CTNNA2: variants seen among roughly 807,000 people sequenced by gnomAD.
CTNNA2 encodes catenin alpha 2.
CTNNA2 carries 42 observed loss-of-function variants against 101.0 expected under a neutral mutation model. The observed-to-expected ratio is 0.42, with a 90% CI of 0.32 to 0.54. The LOEUF is 0.54. Ranked by LOEUF, CTNNA2 falls within the 20% of genes least tolerant of loss-of-function variation. CTNNA2 has a pLI of 0.14. For missense variants in CTNNA2, 871 were observed against 1,223.1 expected, an observed-to-expected ratio of 0.71 and a Z score of 4.29; for synonymous variants, 450 against 456.4, an observed-to-expected ratio of 0.99 and a Z score of 0.18.
chr2:79,572,051 G>C (rs1254419163), intron 1 of CTNNA2, among the ~76,000 whole-genome samples: 1 of 152,036 alleles, frequency 6.6e-6, no homozygotes, highest in Non-Finnish European at 1.5e-5. Flanking sequence ...GACAGTTTTT[G>C]TATTGTTTTA....
At chr2:80,567,255 C>G (rs1024003459) in intron 12 of CTNNA2, among the ~76,000 whole-genome samples, 2 of 152,032 alleles carry the variant, frequency 1.3e-5, no homozygotes, top group African/African-American at 4.8e-5. Context: ...ACTAAAATCA[C>G]TAATATAAAA....
At chr2:79,625,543 A>G (rs940692462) in intron 1 of CTNNA2, among the ~76,000 whole-genome samples, 3 of 152,182 alleles carry the variant, frequency 2.0e-5, no homozygotes, top group Admixed American at 2.0e-4. Context: ...ATGCAGATAA[A>G]ACATGGAAAT....
At chr2:80,292,687 T>C (rs545543204) in intron 7 of CTNNA2, among the ~76,000 whole-genome samples, 1 of 152,352 alleles carries the variant, frequency 6.6e-6, no homozygotes, top group East Asian at 1.9e-4. Context: ...CTCTTGAGAA[T>C]GCCTCACCTT....
chr2:79,225,088 G>A (rs984472672), intron 2 of CTNNA2, among the ~76,000 whole-genome samples: 6 of 151,864 alleles, frequency 4.0e-5, no homozygotes, highest in Admixed American at 2.6e-4. Context: ...ATAAGCATTC[G>A]GCCACAGGTC....
chr2:80,475,182 T>C (rs1347699323), intron 9 of CTNNA2, among the ~76,000 whole-genome samples: 1 of 152,212 alleles, frequency 6.6e-6, no homozygotes, highest in Admixed American at 6.5e-5. Flanking sequence ...GTGTTAATAA[T>C]AAGTACGTGT....
At chr2:79,876,301 A>T (rs561499927) in intron 6 of CTNNA2, among the ~76,000 whole-genome samples, 1 of 152,326 alleles carries the variant, frequency 6.6e-6, no homozygotes, top group African/African-American at 2.4e-5. Context: ...GGTCATACAC[A>T]CAGATATTAA....
chr2:80,020,993 CT>C (rs869061321), intron 7 of CTNNA2, among the ~76,000 whole-genome samples: 9,523 of 89,234 alleles, frequency 0.11, 188 homozygotes, highest in South Asian at 0.16. Flanking sequence ...GACCAATCAT[CT>C]TTTTTTTTTT....
chr2:80,583,525 T>A (rs2149722505), intron 14 of CTNNA2, among the ~76,000 whole-genome samples: 1 of 152,340 alleles, frequency 6.6e-6, no homozygotes, highest in Admixed American at 6.5e-5. Context: ...AGGGCAATTT[T>A]GAGTAATTCA....
chr2:79,776,347 G>A (rs1471929280), intron 3 of CTNNA2, among the ~76,000 whole-genome samples: 4 of 152,010 alleles, frequency 2.6e-5, no homozygotes, highest in Non-Finnish European at 5.9e-5. Context: ...TAGTGTCTGG[G>A]TACCACCAAA....
intron 6 of CTNNA2, among the ~76,000 whole-genome samples, chr2:79,874,652 T>TA (rs1347633843): frequency 6.6e-6 from 1 of 152,096 alleles, no homozygotes; most frequent in East Asian, 1.9e-4. Context: ...ACTAAAAATG[T>TA]AAAACATTAG....
At chr2:80,408,368 T>C (rs1489533949) in intron 8 of CTNNA2, among the ~76,000 whole-genome samples, 8 of 152,228 alleles carry the variant, frequency 5.3e-5, no homozygotes, top group African/African-American at 1.4e-4. Flanking sequence ...CTCGTCTCTA[T>C]ATCTTGCTTC....
At chr2:80,218,935 A>ACACATT (rs1344101550) in intron 7 of CTNNA2, among the ~76,000 whole-genome samples, 5 of 152,242 alleles carry the variant, frequency 3.3e-5, no homozygotes, top group Admixed American at 2.0e-4. Flanking sequence ...GGATGATTAC[A>ACACATT]CACATTAAAA....
chr2:79,885,921 C>T (rs1036945811), intron 6 of CTNNA2, among the ~76,000 whole-genome samples: 7 of 152,186 alleles, frequency 4.6e-5, no homozygotes, highest in African/African-American at 1.7e-4. Flanking sequence ...CTACTAAGCC[C>T]ATCTCTAGGC....
At chr2:79,739,789 A>G (rs1448202532) in intron 2 of CTNNA2, among the ~76,000 whole-genome samples, 3 of 152,228 alleles carry the variant, frequency 2.0e-5, no homozygotes, top group African/African-American at 7.2e-5. Context: ...CCACCTTTAG[A>G]TCAAAATGTG....
intron 7 of CTNNA2, among the ~76,000 whole-genome samples, chr2:80,339,301 T>C (rs1672023857): frequency 6.6e-6 from 1 of 152,146 alleles, no homozygotes; most frequent in Non-Finnish European, 1.5e-5. Context: ...TGATTTATAG[T>C]TTGAGTTGCA....
chr2:80,470,789 T>C (rs1685238218), intron 9 of CTNNA2, among the ~76,000 whole-genome samples: 1 of 152,140 alleles, frequency 6.6e-6, no homozygotes, highest in South Asian at 2.1e-4. Flanking sequence ...TTTCTGATTG[T>C]GATAAAATCA....
At chr2:80,368,892 G>A (rs572004935) in intron 7 of CTNNA2, among the ~76,000 whole-genome samples, 132 of 130,668 alleles carry the variant, frequency 1.0e-3, no homozygotes, top group African/African-American at 3.2e-3. Flanking sequence ...TATTTGGCAC[G>A]CTAGGCTAGT....
intron 7 of CTNNA2, among the ~76,000 whole-genome samples, chr2:79,978,105 C>T (rs748477371): frequency 2.9e-4 from 44 of 152,230 alleles, no homozygotes; most frequent in Non-Finnish European, 4.9e-4. Context: ...AAGGTTTTAC[C>T]ATTGAGATGC....
intron 7 of CTNNA2, among the ~76,000 whole-genome samples, chr2:79,993,797 G>A (rs1382427658): frequency 6.6e-6 from 1 of 152,152 alleles, no homozygotes; most frequent in Non-Finnish European, 1.5e-5. Flanking sequence ...GAGCCAAGTA[G>A]GCCTGGTGTG....
Sources: allele counts gnomAD v4.1 joint callset (sites outside exome capture counted in the v4.1 genomes callset), GRCh38; gene constraint gnomAD v4.1.1; transcripts MANE v1.5; gene names NCBI Gene and HGNC (gene_info 2026-07-23, HGNC 2026-07-21).